Variants in HFM1 observed in about 807,000 individuals in gnomAD.
HFM1 encodes probable ATP-dependent DNA helicase HFM1.
HFM1 carries 169 observed loss-of-function variants against 192.1 expected under a neutral mutation model. The ratio of observed to expected loss-of-function variants is 0.88; its 90% CI spans 0.78 to 1.00. The LOEUF is 1.00. Among genes scored for constraint, HFM1 ranks in the 50% least tolerant of loss-of-function variants. The pLI, the probability that HFM1 is intolerant of heterozygous loss-of-function variation, is 0.00. For synonymous variants in HFM1, 525 were observed against 537.8 expected, an observed-to-expected ratio of 0.98 and a Z score of 0.33; for missense variants, 1,661 against 1,668.0, an observed-to-expected ratio of 1.00 and a Z score of 0.07.
intron 34 of HFM1, among the ~76,000 whole-genome samples, chr1:91,268,515 C>G (rs1426508462): frequency 6.6e-6 from 1 of 151,940 alleles, no homozygotes; most frequent in African/African-American, 2.4e-5. Flanking sequence ...AAGGCAACAA[C>G]AGTACCTACC....
chr1:91,320,378 T>C (rs1012455477), intron 23 of HFM1, among the ~76,000 whole-genome samples: 2 of 152,178 alleles, frequency 1.3e-5, no homozygotes, highest in Non-Finnish European at 2.9e-5. Flanking sequence ...TGAAAATTAT[T>C]TTATATCATC....
At position 91,291,069 on chromosome 1, in the gene HFM1, T is replaced by C. The variant is rs546548416; in HGVS notation, c.3392-14007A>G. Among the ~76,000 whole-genome samples, 4 of 152,186 alleles carry C rather than the reference T, an allele frequency of 2.6e-5. No homozygotes were observed. In the South Asian group the frequency reaches 6.3e-4, roughly 24 times the overall value. On this transcript the variant is annotated intron_variant, in intron 30 of 38. Transcript: ENST00000370425. The stretch of plus-strand genomic sequence containing the variant: ...TCAAAGCAGTGTGTAGAGGGAAATT[T>C]ATAGCACTAAATGCCCACAATAGAA...
At chr1:91,384,747 C>CTTTTT (rs11295340) in intron 6 of HFM1, among the ~76,000 whole-genome samples, 1 of 134,584 alleles carries the variant, frequency 7.4e-6, no homozygotes, top group Non-Finnish European at 1.6e-5. Context: ...ACACATACAT[C>CTTTTT]TTTTTTTTTT....
intron 13 of HFM1, among the ~76,000 whole-genome samples, chr1:91,367,124 T>G (rs1050777323): frequency 6.6e-6 from 1 of 152,134 alleles, no homozygotes; most frequent in Non-Finnish European, 1.5e-5. Flanking sequence ...TCGAACTGGG[T>G]GGAGCGCACC....
At position 91,350,774 on chromosome 1, in the gene HFM1, G is replaced by A; in HGVS notation, c.2170C>T (p.Leu724Phe). The A allele has an allele frequency of 6.2e-7, 1 of 1,611,378 alleles. No homozygotes were observed. Among genetic ancestry groups the A allele is most frequent in the Non-Finnish European group, 8.5e-7 (1 of 1,178,626 alleles). ...GGATTTTTCAAGGCTCTGATATAAA[G>A]CAGAGTTGATCGTATCCATTCCACA... ...IAVEWIRSTL[L>F]YIRALKNPSH... is the part of the protein sequence containing the mutation. Residue 724 changes from leucine to phenylalanine, a missense_variant, in exon 18 of 39, where the codon CTT becomes TTT. Physicochemically the swap from Leu to Phe is conservative, Grantham distance 22. Transcript: ENST00000370425.
intron 20 of HFM1, among the ~76,000 whole-genome samples, chr1:91,331,450 T>C (rs1653806859): frequency 1.3e-5 from 2 of 151,142 alleles, no homozygotes; most frequent in South Asian, 4.2e-4. Flanking sequence ...AAAACACTGA[T>C]GAAATAAATT....
chr1:91,353,362 G>T, intron 13 of HFM1, 63 bp from the exon 14 acceptor site: 2 of 935,096 alleles, frequency 2.1e-6, no homozygotes, highest in Non-Finnish European at 3.2e-6. Context: ...CTCTGAAACA[G>T]TTTATTATTT....
intron 20 of HFM1, among the ~76,000 whole-genome samples, chr1:91,334,299 C>A (rs1654257385): frequency 1.3e-5 from 2 of 152,046 alleles, no homozygotes; most frequent in African/African-American, 4.8e-5. Flanking sequence ...ACTACCCACA[C>A]CTCAGAAGTT....
chr1:91,370,873 G>A (rs1246996427), intron 13 of HFM1, among the ~76,000 whole-genome samples: 1 of 152,192 alleles, frequency 6.6e-6, no homozygotes, highest in Non-Finnish European at 1.5e-5. Context: ...TCCTTAAGCT[G>A]ATAGATAACT....
chr1:91,274,028 G>A (rs553736331), intron 33 of HFM1, among the ~76,000 whole-genome samples: 1 of 152,168 alleles, frequency 6.6e-6, no homozygotes, highest in African/African-American at 2.4e-5. Context: ...CAAAAGCCAG[G>A]ATCTCTAGAA....
intron 2 of HFM1, among the ~76,000 whole-genome samples, chr1:91,397,271 G>A (rs777931829): frequency 1.3e-5 from 2 of 152,120 alleles, no homozygotes; most frequent in African/African-American, 2.4e-5. Flanking sequence ...ATAACCTATA[G>A]TAATTGATAT....
chr1:91,344,494 C>G (rs1655840031), intron 19 of HFM1, among the ~76,000 whole-genome samples: 1 of 152,144 alleles, frequency 6.6e-6, no homozygotes, highest in South Asian at 2.1e-4. Flanking sequence ...GCTTACTTTA[C>G]CATAAGCTGA....
rs553893440 is a variant in HFM1, at chr1:91,300,698, A to C, written c.3391+12651T>G. ...ACAACAAAAACCACACGATTATCTC[A>C]ATAGATGCAGAAAAGGCCTTTGACA... On this transcript the variant is annotated intron_variant, in intron 30 of 38. Coordinates refer to ENST00000370425, the MANE Select transcript of HFM1 (RefSeq NM_001017975.6). Among the ~76,000 whole-genome samples, 13 of 152,310 alleles carry C rather than the reference A, an allele frequency of 8.5e-5. No homozygotes were observed. The East Asian group carries it at 2.5e-3, about 29-fold the overall frequency.
In HFM1 at chr1:91,285,442, A is replaced by C. The variant is rs746082102; in HGVS notation, c.3392-8380T>G. ...TATCATTTAATAACACCATTTGACA[A>C]GGGATTAGAACAACTGAAATTTGGA... On this transcript the variant is annotated intron_variant, in intron 30 of 38. Coordinates refer to ENST00000370425, the MANE Select transcript of HFM1 (RefSeq NM_001017975.6). Among the ~76,000 whole-genome samples the C allele has an allele frequency of 1.2e-4, 19 of 152,356 alleles. No homozygotes were observed. The Middle Eastern group carries it at 0.01, about 82-fold the overall frequency.
At chr1:91,381,097 A>C (rs282032) in intron 6 of HFM1, 115 bp from the exon 7 acceptor site, 1 of 614,196 alleles carries the variant, frequency 1.6e-6, no homozygotes, top group East Asian at 3.0e-5. Flanking sequence ...TGAGGTTTTA[A>C]CATTTGCTAT....
intron 30 of HFM1, among the ~76,000 whole-genome samples, chr1:91,287,625 C>T (rs1309622628): frequency 1.1e-4 from 16 of 152,306 alleles, no homozygotes; most frequent in African/African-American, 3.6e-4. Flanking sequence ...TCTAAAGGAA[C>T]GCAGTTCCTC....
chr1:91,296,025 T>G (rs1346914932), intron 30 of HFM1, among the ~76,000 whole-genome samples: 1 of 152,096 alleles, frequency 6.6e-6, no homozygotes, highest in Non-Finnish European at 1.5e-5. Flanking sequence ...GCCTCCCAGG[T>G]TCATGCCATT....
At chr1:91,294,697 C>T (rs1483402856) in intron 30 of HFM1, among the ~76,000 whole-genome samples, 1 of 152,160 alleles carries the variant, frequency 6.6e-6, no homozygotes, top group Non-Finnish European at 1.5e-5. Context: ...TTTCTGACCC[C>T]TGTAGAATTG....
intron 20 of HFM1, among the ~76,000 whole-genome samples, chr1:91,337,281 G>T (rs1327766338): frequency 6.6e-6 from 1 of 152,000 alleles, no homozygotes; most frequent in Non-Finnish European, 1.5e-5. Context: ...CACATTATCT[G>T]GCAAACAGGT....
Sources: gnomAD v4.1 joint callset for allele counts (sites outside exome capture counted in the v4.1 genomes callset) on GRCh38, gnomAD v4.1.1 for gene constraint, MANE v1.5 for transcripts, NCBI Gene and HGNC (gene_info 2026-07-23, HGNC 2026-07-21) for gene names.